MAP4: variants seen among roughly 807,000 people sequenced by gnomAD.
MAP4 encodes the protein microtubule-associated protein 4.
A neutral mutation model predicts 170.2 loss-of-function variants in MAP4; 76 were observed. That is an observed-to-expected ratio of 0.45 (90% CI 0.37 to 0.54). The LOEUF (loss-of-function observed/expected upper bound fraction) is 0.54. Among genes scored for constraint, MAP4 ranks in the 20% least tolerant of loss-of-function variants. The pLI is 0.00. For synonymous variants in MAP4, 909 were observed against 994.5 expected (o/e 0.91, Z 1.62); for missense variants, 2,506 against 2,748.0 (o/e 0.91, Z 1.97).
intron 1 of MAP4, among the ~76,000 whole-genome samples, chr3:48,086,422 TG>T (rs1444947426): frequency 3.3e-5 from 5 of 152,160 alleles, no homozygotes; most frequent in African/African-American, 1.2e-4. Flanking sequence ...GCGGATCACT[TG>T]AGGTCAGGAG....
chr3:48,047,107 T>TAAAC (rs1344805860), intron 1 of MAP4, among the ~76,000 whole-genome samples: 1 of 150,124 alleles, frequency 6.7e-6, no homozygotes, highest in Non-Finnish European at 1.5e-5. Flanking sequence ...AATAAATAAA[T>TAAAC]AAATAAATAA....
At chr3:48,072,124 A>T (rs2100141323) in intron 1 of MAP4, among the ~76,000 whole-genome samples, 1 of 152,036 alleles carries the variant, frequency 6.6e-6, no homozygotes, top group South Asian at 2.1e-4. Context: ...ACTTGAACCC[A>T]GGAGGCGGAA....
intron 3 of MAP4, chr3:47,973,271 A>AAGAGAG (rs954062113): frequency 1.0e-6 from 1 of 984,970 alleles, no homozygotes; most frequent in Non-Finnish European, 1.2e-6. Flanking sequence ...AGGAAAAAAA[A>AAGAGAG]AGAGAGAGAG....
chr3:48,000,820 G>A (rs1473372775), intron 1 of MAP4, among the ~76,000 whole-genome samples: 1 of 152,154 alleles, frequency 6.6e-6, no homozygotes, highest in Non-Finnish European at 1.5e-5. Flanking sequence ...TTCCTTTCAA[G>A]CTGTTATCCA....
In MAP4 at chr3:47,858,620, TTGTG is replaced by T. The variant is rs72034058; in HGVS notation, c.6502-1112_6502-1109del. Reference sequence around the variant, plus strand: ...GTGTGTGTGTGTGTGTGTGTGCGCGTTGTGTGTGTGTGTGTGTGTGTGTGTAATC... The same window carrying T: ...GTGTGTGTGTGTGTGTGTGTGCGCGTTGTGTGTGTGTGTGTGTGTGTAATC... On this transcript the variant is annotated intron_variant, in intron 17 of 20. Coordinates refer to ENST00000683076, the MANE Select transcript of MAP4 (RefSeq NM_001385682.1). 9.9e-4 allele frequency among the ~76,000 whole-genome samples: 141 copies of T among 142,996 alleles called. No homozygotes were observed. The Middle Eastern group carries it at 0.01, about 11-fold the overall frequency. The allele number at this position is 142,996 out of a possible 152,430, so 93.8% of individuals were successfully genotyped here.
At chr3:48,086,498 G>C (rs1037051334) in intron 1 of MAP4, among the ~76,000 whole-genome samples, 5 of 152,112 alleles carry the variant, frequency 3.3e-5, no homozygotes, top group African/African-American at 1.2e-4. Context: ...AATCAGCCGA[G>C]TGTGGTGGCA....
intron 3 of MAP4, among the ~76,000 whole-genome samples, chr3:47,946,566 A>G (rs2100060080): frequency 6.8e-6 from 1 of 148,124 alleles, no homozygotes; most frequent in Admixed American, 6.9e-5. Flanking sequence ...AGACAGGAGA[A>G]TCGCTTGAAC....
At chr3:48,053,590 A>G (rs905664715) in intron 1 of MAP4, among the ~76,000 whole-genome samples, 2 of 152,218 alleles carry the variant, frequency 1.3e-5, no homozygotes, top group African/African-American at 4.8e-5. Context: ...CAGTGTTTCT[A>G]AAACTAATGA....
intron 7 of MAP4, among the ~76,000 whole-genome samples, chr3:47,915,656 A>G (rs985617484): frequency 6.6e-6 from 1 of 152,198 alleles, no homozygotes; most frequent in African/African-American, 2.4e-5. Flanking sequence ...GACCATGGAT[A>G]CAGATACAAG....
chr3:47,875,542 T>C (rs2095064370), intron 12 of MAP4, 143 bp downstream of exon 12: 7 of 803,108 alleles, frequency 8.7e-6, no homozygotes, highest in Admixed American at 8.1e-5. Context: ...ATGCCAATTT[T>C]CAAATCACCC....
At chr3:47,882,187 G>C (rs1007507716) in intron 10 of MAP4, among the ~76,000 whole-genome samples, 33 of 152,180 alleles carry the variant, frequency 2.2e-4, no homozygotes, top group Non-Finnish European at 2.5e-4. Context: ...GCTGAGGCAG[G>C]AGAATCGCTT....
At chr3:48,045,799 C>T (rs1019761956) in intron 1 of MAP4, among the ~76,000 whole-genome samples, 4 of 152,182 alleles carry the variant, frequency 2.6e-5, no homozygotes, top group Non-Finnish European at 5.9e-5. Flanking sequence ...CCTCGGCCTC[C>T]CAAAGTGCTG....
intron 1 of MAP4, among the ~76,000 whole-genome samples, chr3:48,070,655 G>A (rs1223015680): frequency 6.6e-6 from 1 of 151,634 alleles, no homozygotes; most frequent in East Asian, 1.9e-4. Flanking sequence ...GGTTGGAAGT[G>A]TGGACCCACC....
At chr3:47,887,926 G>C (rs1235657021) in intron 10 of MAP4, among the ~76,000 whole-genome samples, 3 of 147,698 alleles carry the variant, frequency 2.0e-5, no homozygotes, top group African/African-American at 5.0e-5. Flanking sequence ...GTTTGTGAAT[G>C]CACCAATCGA....
At chr3:47,890,622 G>C (rs1553763130) in intron 10 of MAP4, among the ~76,000 whole-genome samples, 1 of 152,150 alleles carries the variant, frequency 6.6e-6, no homozygotes, top group Non-Finnish European at 1.5e-5. Flanking sequence ...CAATCAGTTG[G>C]GATTGAAGGA....
chr3:47,919,886 G>A (rs1378850072), intron 5 of MAP4, among the ~76,000 whole-genome samples: 1 of 151,772 alleles, frequency 6.6e-6, no homozygotes, highest in Non-Finnish European at 1.5e-5. Flanking sequence ...AACATTAGAA[G>A]ACAATTTTAT....
In MAP4 at chr3:47,871,049, G is replaced by A; in HGVS notation, c.6058C>T (p.Leu2020Phe). ...STSSMKKTTT[L>F]SGTAPAAGVV... ...CCTGCAGCGGGGGCTGTCCCACTGA[G>A]AGTGGTGGTTTTCTTCATGGAACTG... Residue 2020 changes from leucine to phenylalanine, a missense_variant, in exon 15 of 21, where the codon CTC becomes TTC. Physicochemically the swap from Leu to Phe is conservative, Grantham distance 22 (BLOSUM62 0). This residue lies in a region of MAP4 where 487 missense variants were observed against 511.6 expected (regional missense o/e 0.95). Coordinates refer to ENST00000683076, the MANE Select transcript of MAP4 (RefSeq NM_001385682.1). 6.2e-7 allele frequency: 1 copy of A among 1,612,874 alleles called. No homozygotes were observed. The highest frequency in any genetic ancestry group is 8.5e-7 in the Non-Finnish European group (1 of 1,179,118).
At chr3:47,894,352 G>T (rs1052690609) in intron 10 of MAP4, among the ~76,000 whole-genome samples, 2 of 152,196 alleles carry the variant, frequency 1.3e-5, no homozygotes, top group Non-Finnish European at 2.9e-5. Context: ...GGAGCCCAAG[G>T]CAGGTGGATC....
At chr3:47,938,891 G>GT (rs900035373) in intron 3 of MAP4, among the ~76,000 whole-genome samples, 17 of 152,244 alleles carry the variant, frequency 1.1e-4, no homozygotes, top group Non-Finnish European at 1.9e-4. Context: ...AAGACGATGT[G>GT]TTTAGGGCTT....
Sources: gnomAD v4.1 joint callset for allele counts (sites outside exome capture counted in the v4.1 genomes callset) on GRCh38, gnomAD v4.1.1 for gene constraint, gnomAD v4.1.1 regional missense constraint, MANE v1.5 for transcripts, NCBI Gene and HGNC (gene_info 2026-07-23, HGNC 2026-07-21) for gene names.